Variants in NLRP13 observed in about 807,000 individuals in gnomAD.
NLRP13 encodes the protein NACHT, LRR and PYD domains-containing protein 13.
A neutral mutation model predicts 94.4 loss-of-function variants in NLRP13; 82 were observed. That is an observed-to-expected ratio of 0.87 (90% CI 0.73 to 1.04). The LOEUF (loss-of-function observed/expected upper bound fraction) is 1.04, where lower values mean the gene tolerates loss of function less well. Ranked by LOEUF, NLRP13 falls within the 50% of genes least tolerant of loss-of-function variation. The probability of loss-of-function intolerance (pLI) is 0.00; values close to 1 mark genes in which losing one functional copy is unlikely to be tolerated. For synonymous variants in NLRP13, 553 were observed against 464.7 expected, an observed-to-expected ratio of 1.19 and a Z score of -2.45; for missense variants, 1,426 against 1,230.8, an observed-to-expected ratio of 1.16 and a Z score of -2.37.
chr19:55,932,149 T>C lies in NLRP13; in HGVS notation c.163A>G (p.Ile55Val). Reference sequence around the variant, plus strand: ...GCAGCTCTCAAGTTTGCCCAGGGGATACGCGGGAAGTGCCCCTGGGGGGCC... The same window carrying C: ...GCAGCTCTCAAGTTTGCCCAGGGGACACGCGGGAAGTGCCCCTGGGGGGCC... ...WSAPQGHFPRIPWANLRAADP... is the reference protein window; with the variant it reads ...WSAPQGHFPRVPWANLRAADP... The change falls in exon 1 of 11, where the codon ATC becomes GTC. Residue 55 changes from isoleucine to valine, a missense_variant. By Grantham distance (29) the Ile-to-Val change is conservative (BLOSUM62 3). Coordinates refer to ENST00000342929, the MANE Select transcript of NLRP13 (RefSeq NM_176810.2). 6.2e-7 allele frequency: 1 copy of C among 1,614,160 alleles called. No homozygotes were observed. Among genetic ancestry groups the C allele is most frequent in the Non-Finnish European group, 8.5e-7 (1 of 1,180,034 alleles).
chr19:55,912,297 C>T lies in NLRP13; in HGVS notation c.1520G>A (p.Gly507Asp), dbSNP rs998571557. ...TFNKEDTEIE[G>D]LEVPFIDSLY... ...AGAATCAATGAAAGGCACTTCCAGG[C>T]CCTCGATCTCAGTGTCTTCTTTGTT... The change falls in exon 5 of 11, where the codon GGC becomes GAC. Residue 507 changes from glycine (G) to aspartate (D), a missense_variant. Coordinates refer to ENST00000342929, the MANE Select transcript of NLRP13 (RefSeq NM_176810.2). 1.9e-6 allele frequency: 3 copies of T among 1,613,946 alleles called. No individual in the cohort carries two copies. In the African/African-American group the frequency reaches 4.0e-5, roughly 22 times the overall value.
Position 55,912,413 on chromosome 19 carries a change from C to T in NLRP13, c.1404G>A (p.Glu468=), listed in dbSNP as rs1221370695. ...GCCAGCTGTCATCTGCCAAATCTAC[C>T]TCTGCTGTGGAGAACAAGTTGGAGA... is the stretch of plus-strand genomic sequence containing the variant. The part of the protein sequence containing the change: ...YFFSNLFSTA[E]VDLADDSWPG... The change falls in exon 5 of 11, where the codon GAG becomes GAA. Residue 468 remains glutamate, a synonymous_variant. Transcript: ENST00000342929. 4 of 1,614,130 alleles carry T rather than the reference C, an allele frequency of 2.5e-6. No individual in the cohort carries two copies. Among genetic ancestry groups the T allele is most frequent in the African/African-American group, 1.3e-5 (1 of 75,018 alleles).
downstream of NLRP13, among the ~76,000 whole-genome samples, chr19:55,894,797 AAAAG>A (rs1985956568): frequency 6.6e-6 from 1 of 152,190 alleles, no homozygotes; most frequent in South Asian, 2.1e-4. Context: ...TCGGTATTGA[AAAAG>A]AAGCCACAAG....
rs116909817 is a variant in NLRP13 at position 55,911,309 on chromosome 19, G to A, written c.2111+397C>T. ...TGCAGTGATGTGATCTCTGCTTGCT[G>A]CAACTTCTGCCTCCTTGGCTCAAGC... On this transcript the variant is annotated intron_variant, in intron 5 of 10. Transcript: ENST00000342929. Among the ~76,000 whole-genome samples the A allele has an allele frequency of 4.1e-3, 626 of 152,266 alleles. 23 individuals are homozygous for A. In the South Asian group the frequency reaches 0.089, roughly 22 times the overall value.
At chr19:55,900,974 G>C (rs1986153008) in intron 9 of NLRP13, among the ~76,000 whole-genome samples, 1 of 152,116 alleles carries the variant, frequency 6.6e-6, no homozygotes, top group Non-Finnish European at 1.5e-5. Context: ...TGACCGGCCA[G>C]GCACAGTGGC....
chr19:55,893,890 C>G (rs1248439229), downstream of NLRP13, among the ~76,000 whole-genome samples: 1 of 152,064 alleles, frequency 6.6e-6, no homozygotes, highest in African/African-American at 2.4e-5. Flanking sequence ...TAAAATGCAC[C>G]ACTGAAGTGT....
At chr19:55,905,434 CATATATATGT>C (rs1986314269) in intron 7 of NLRP13, among the ~76,000 whole-genome samples, 1 of 149,890 alleles carries the variant, frequency 6.7e-6, no homozygotes, top group Non-Finnish European at 1.5e-5. Context: ...TATACACACA[CATATATATGT>C]ATATATATAC....
intron 6 of NLRP13, among the ~76,000 whole-genome samples, 170 bp from the exon 7 acceptor site, chr19:55,908,126 AC>A (rs1986406785): frequency 6.6e-6 from 1 of 151,988 alleles, no homozygotes; most frequent in African/African-American, 2.4e-5. Context: ...GAAAATAAAA[AC>A]TAAAATATAC....
At chr19:55,927,435 G>T (rs895175961) in intron 1 of NLRP13, among the ~76,000 whole-genome samples, 4 of 140,202 alleles carry the variant, frequency 2.9e-5, no homozygotes, top group African/African-American at 1.1e-4. Context: ...TCCTTTGCCT[G>T]TGAAATAAAG....
At chr19:55,913,322 G>A (rs748722945) in intron 4 of NLRP13, 29 bp from the exon 5 acceptor site, 1 of 1,590,376 alleles carries the variant, frequency 6.3e-7, no homozygotes, top group Non-Finnish European at 8.6e-7. Flanking sequence ...GGAGAAGAAT[G>A]GTAAGAATAA....
chr19:55,908,592 TA>T (rs66662461), intron 6 of NLRP13, among the ~76,000 whole-genome samples: 111,749 of 151,940 alleles, frequency 0.74, 41,495 homozygotes, highest in African/African-American at 0.83. Context: ...TATGCAGCCA[TA>T]AAAAAAGAAT....
intron 1 of NLRP13, among the ~76,000 whole-genome samples, chr19:55,931,714 A>G (rs867590378): frequency 0.021 from 977 of 46,334 alleles, 30 homozygotes; most frequent in African/African-American, 0.023. Flanking sequence ...AGGCTCAAAA[A>G]AAAAAAAAAA....
chr19:55,908,466 G>A (rs1986416253), intron 6 of NLRP13, among the ~76,000 whole-genome samples: 4 of 152,182 alleles, frequency 2.6e-5, no homozygotes, highest in African/African-American at 9.7e-5. Flanking sequence ...AAAGACATAT[G>A]CACACGTACG....
intron 1 of NLRP13, among the ~76,000 whole-genome samples, chr19:55,931,709 CAA>C (rs374591965): frequency 1.6e-4 from 14 of 85,890 alleles, no homozygotes; most frequent in African/African-American, 2.7e-4. Flanking sequence ...GACTCAGGCT[CAA>C]AAAAAAAAAA....
At chr19:55,903,799 A>G (rs1284829544) in intron 8 of NLRP13, among the ~76,000 whole-genome samples, 1 of 151,948 alleles carries the variant, frequency 6.6e-6, no homozygotes, top group Non-Finnish European at 1.5e-5. Context: ...CTGAAATCCT[A>G]TAACCTCCCC....
Position 55,898,758 on chromosome 19 carries a change from G to A in NLRP13, c.2957+12C>T, listed in dbSNP as rs1255363216. 2 of 1,593,298 alleles carry A rather than the reference G, an allele frequency of 1.3e-6. No individual in the cohort carries two copies. The highest frequency in any genetic ancestry group is 1.7e-6 in the Non-Finnish European group (2 of 1,170,392). On this transcript the variant is annotated intron_variant, in intron 10 of 10. Coordinates refer to ENST00000342929, the MANE Select transcript of NLRP13 (RefSeq NM_176810.2). ...GAAGGAAGACTCTGCAAGGAGAACA[G>A]CATCAACTCACCCAAGTGTGTGCAA...
At chr19:55,926,338 T>A (rs1986965037) in intron 1 of NLRP13, among the ~76,000 whole-genome samples, 2 of 152,296 alleles carry the variant, frequency 1.3e-5, no homozygotes, top group South Asian at 4.1e-4. Context: ...AAACAAAGGT[T>A]AAAAATTAGT....
chr19:55,895,084 T>G (rs1419151295), downstream of NLRP13, among the ~76,000 whole-genome samples: 1 of 151,782 alleles, frequency 6.6e-6, no homozygotes, highest in Non-Finnish European at 1.5e-5. Flanking sequence ...AATTAAAAAT[T>G]TATATTTATA....
At position 55,927,155 on chromosome 19, in the gene NLRP13, G is replaced by T. The variant is rs1267897093; in HGVS notation, c.320-2120C>A. On this transcript the variant is annotated intron_variant, in intron 1 of 10. Transcript: ENST00000342929. Reference sequence around the variant, plus strand: ...GGAGGCTGAGGCAGGCAGATCACCAGGTCAGGAGTTTGGGACCAGCCTGGC... The same window carrying T: ...GGAGGCTGAGGCAGGCAGATCACCATGTCAGGAGTTTGGGACCAGCCTGGC... 2.0e-5 allele frequency among the ~76,000 whole-genome samples: 3 copies of T among 152,104 alleles called. No individual in the cohort carries two copies. The East Asian group carries it at 5.8e-4, about 29-fold the overall frequency.
Sources: gnomAD v4.1 joint callset for allele counts (sites outside exome capture counted in the v4.1 genomes callset) on GRCh38, gnomAD v4.1.1 for gene constraint, MANE v1.5 for transcripts, NCBI Gene and HGNC (gene_info 2026-07-23, HGNC 2026-07-21) for gene names.